The following FARS2 variants were observed in gnomAD, a reference collection of about 807,000 sequenced individuals.
FARS2 encodes the protein phenylalanyl-tRNA synthetase 2, mitochondrial, also known as phenylalanine--tRNA ligase, mitochondrial.
Under a neutral mutation model 46.4 loss-of-function variants are expected in FARS2, and 40 were observed. That is an observed-to-expected ratio of 0.86 (90% confidence interval 0.67 to 1.12). FARS2 has a LOEUF of 1.12. Among genes scored for constraint, FARS2 ranks in the 50% most tolerant of loss-of-function variants. The probability of loss-of-function intolerance (pLI) is 0.00; values close to 1 mark genes in which losing one functional copy is unlikely to be tolerated. For synonymous variants in FARS2, 234 were observed against 214.9 expected (o/e 1.09, Z -0.78); for missense variants, 513 against 567.9 (o/e 0.90, Z 0.98).
chr6:5,265,916 G>C (rs577495835), intron 1 of FARS2, among the ~76,000 whole-genome samples: 6 of 152,310 alleles, frequency 3.9e-5, no homozygotes, highest in African/African-American at 1.4e-4. Flanking sequence ...CCAGGCTTCA[G>C]ATAATTTTGT....
chr6:5,349,790 C>T (rs1021893000), intron 1 of FARS2, among the ~76,000 whole-genome samples: 1 of 151,846 alleles, frequency 6.6e-6, no homozygotes, highest in African/African-American at 2.4e-5. Context: ...GTGACTTTGA[C>T]AATTTAAAGA....
intron 2 of FARS2, among the ~76,000 whole-genome samples, chr6:5,389,531 G>A (rs17140384): frequency 0.075 from 11,346 of 152,172 alleles, 884 homozygotes; most frequent in African/African-American, 0.19. Flanking sequence ...TTGTACTTGC[G>A]TTTGGTATTG....
intron 6 of FARS2, among the ~76,000 whole-genome samples, chr6:5,621,217 G>A (rs1775757102): frequency 1.3e-5 from 2 of 151,694 alleles, no homozygotes; most frequent in Admixed American, 1.3e-4. Context: ...CTCCCAAGTA[G>A]CTAGGACTAC....
chr6:5,291,768 G>A (rs1767522879), intron 1 of FARS2, among the ~76,000 whole-genome samples: 3 of 150,128 alleles, frequency 2.0e-5, no homozygotes, highest in South Asian at 4.2e-4. Flanking sequence ...AAAAAAAAAA[G>A]AAAAAGAATT....
chr6:5,522,537 G>A (rs1014791409), intron 4 of FARS2, among the ~76,000 whole-genome samples: 4 of 152,252 alleles, frequency 2.6e-5, no homozygotes, highest in South Asian at 2.1e-4. Flanking sequence ...TTTTGTTATA[G>A]AAGTTTCATG....
At chr6:5,646,588 G>C (rs922781165) in intron 6 of FARS2, among the ~76,000 whole-genome samples, 2 of 152,110 alleles carry the variant, frequency 1.3e-5, no homozygotes, top group African/African-American at 4.8e-5. Context: ...TTGGACTTTG[G>C]TATCCATAGG....
chr6:5,686,349 C>G (rs115671320), intron 6 of FARS2, among the ~76,000 whole-genome samples: 3,677 of 151,052 alleles, frequency 0.024, 359 homozygotes, highest in African/African-American at 0.087. Flanking sequence ...CTCTCCCCCC[C>G]CGCTGCCCAC....
At chr6:5,461,405 T>A (rs1765233411) in intron 4 of FARS2, among the ~76,000 whole-genome samples, 2 of 152,214 alleles carry the variant, frequency 1.3e-5, no homozygotes, top group South Asian at 2.1e-4. Context: ...AACATTTTTT[T>A]AATAGCTTAT....
intron 3 of FARS2, among the ~76,000 whole-genome samples, chr6:5,411,503 T>A (rs1761941088): frequency 6.6e-6 from 1 of 152,214 alleles, no homozygotes; most frequent in African/African-American, 2.4e-5. Flanking sequence ...TAGTGATGAA[T>A]GGGAACTGCC....
At chr6:5,649,948 G>A (rs1446129969) in intron 6 of FARS2, among the ~76,000 whole-genome samples, 2 of 152,142 alleles carry the variant, frequency 1.3e-5, no homozygotes, top group Non-Finnish European at 2.9e-5. Context: ...TTTCTGAGAA[G>A]GGGCTTCTTA....
chr6:5,369,949 C>G lies in FARS2; in HGVS notation c.612+767C>G, dbSNP rs149380206. 2.7e-3 allele frequency among the ~76,000 whole-genome samples: 408 copies of G among 151,944 alleles called. 4 individuals are homozygous for G. Among genetic ancestry groups the G allele is most frequent in the African/African-American group, 9.1e-3 (378 of 41,436 alleles). On this transcript the variant is annotated intron_variant, in intron 2 of 6. Coordinates refer to ENST00000274680, the MANE Select transcript of FARS2 (RefSeq NM_006567.5). ...CATTTCCTAAAAACTTGCCATACCA[C>G]TTGTCCCTCACTCATGTTTTAAAAA...
intron 1 of FARS2, among the ~76,000 whole-genome samples, chr6:5,354,233 A>C (rs1561979516): frequency 6.6e-6 from 1 of 152,110 alleles, no homozygotes; most frequent in African/African-American, 2.4e-5. Flanking sequence ...TTCAGTTCTC[A>C]TGAGCTTAAT....
chr6:5,420,026 G>C (rs1218972947), intron 3 of FARS2, among the ~76,000 whole-genome samples: 1 of 152,162 alleles, frequency 6.6e-6, no homozygotes, highest in Admixed American at 6.5e-5. Flanking sequence ...GTTCCACCTG[G>C]CTGGGGAGGC....
intron 4 of FARS2, among the ~76,000 whole-genome samples, chr6:5,505,739 TGAG>T (rs1238392955): frequency 1.3e-5 from 2 of 152,088 alleles, no homozygotes; most frequent in African/African-American, 4.8e-5. Context: ...ACTTTGCACT[TGAG>T]GAGCAGAGGT....
intron 4 of FARS2, among the ~76,000 whole-genome samples, chr6:5,526,437 C>T (rs962513880): frequency 2.9e-4 from 44 of 152,022 alleles, no homozygotes; most frequent in African/African-American, 1.0e-3. Context: ...TCCCTTTTAT[C>T]ATTCATATAT....
intron 1 of FARS2, among the ~76,000 whole-genome samples, chr6:5,334,473 C>T (rs1193645713): frequency 6.6e-6 from 1 of 152,166 alleles, no homozygotes; most frequent in Non-Finnish European, 1.5e-5. Flanking sequence ...AAATGTTCAT[C>T]AGTAAGGAAA....
At chr6:5,434,774 A>C (rs112186315) in intron 4 of FARS2, among the ~76,000 whole-genome samples, 4,266 of 133,500 alleles carry the variant, frequency 0.032, 76 homozygotes, top group African/African-American at 0.073. Context: ...TCCTCCCTGC[A>C]CCCTGCTCTT....
At chr6:5,251,462 G>A in the FARS2 span, among the ~76,000 whole-genome samples, 1 of 152,202 alleles carries the variant, frequency 6.6e-6, no homozygotes, top group South Asian at 2.1e-4. Flanking sequence ...GAGGCCTCAG[G>A]AAGCTTACAA....
intron 6 of FARS2, among the ~76,000 whole-genome samples, chr6:5,751,381 A>G (rs541311633): frequency 6.6e-6 from 1 of 152,310 alleles, no homozygotes; most frequent in East Asian, 1.9e-4. Flanking sequence ...AATTCTCAGC[A>G]AGCAGTAGAC....
Sources: allele counts gnomAD v4.1 joint callset (sites outside exome capture counted in the v4.1 genomes callset), GRCh38; gene constraint gnomAD v4.1.1; transcripts MANE v1.5; gene names NCBI Gene and HGNC (gene_info 2026-07-23, HGNC 2026-07-21).